NSG2: variants seen among roughly 807,000 people sequenced by gnomAD.
NSG2 encodes the protein neuronal vesicle trafficking associated 2.
A neutral mutation model predicts 16.9 loss-of-function variants in NSG2; 4 were observed. The ratio of observed to expected loss-of-function variants is 0.24; its 90% CI spans 0.12 to 0.54. The LOEUF is 0.54. Among genes scored for constraint, NSG2 ranks in the 20% least tolerant of loss-of-function variants. The pLI is 0.95. For missense variants in NSG2, 179 were observed against 221.1 expected (o/e 0.81, Z 1.21); for synonymous variants, 98 against 88.7 (o/e 1.11, Z -0.59).
rs115827093 is a variant in NSG2, at chr5:174,090,032, G to A, written c.214-14196G>A. On this transcript the variant is annotated intron_variant, in intron 3 of 4. Coordinates refer to ENST00000303177, the MANE Select transcript of NSG2 (RefSeq NM_015980.5). ...CAGGGTCCCCAGTAAAGCATAGCTC[G>A]TTACAAGTTTGACTCTGAAAAATAA... Among the ~76,000 whole-genome samples, 1,231 of 152,176 alleles carry A rather than the reference G, an allele frequency of 8.1e-3. 11 individuals carry two copies. The highest frequency in any genetic ancestry group is 0.025 in the African/African-American group (1,034 of 41,514).
chr5:174,106,583 C>CTTTTTTT (rs752375646), intron 4 of NSG2, among the ~76,000 whole-genome samples: 7 of 93,470 alleles, frequency 7.5e-5, no homozygotes, highest in African/African-American at 2.6e-4. Flanking sequence ...GGAATGAAGC[C>CTTTTTTT]TTTTTTTTTT....
intron 3 of NSG2, among the ~76,000 whole-genome samples, chr5:174,092,677 CT>C (rs1760737512): frequency 6.6e-6 from 1 of 152,218 alleles, no homozygotes; most frequent in African/African-American, 2.4e-5. Context: ...ACTCTCTTTC[CT>C]TTTGCATTAA....
chr5:174,106,468 A>G (rs1581246299), intron 4 of NSG2, among the ~76,000 whole-genome samples: 1 of 150,550 alleles, frequency 6.6e-6, no homozygotes, highest in East Asian at 2.0e-4. Flanking sequence ...TTCGTCCGGT[A>G]GTCCCCAGGT....
intron 2 of NSG2, among the ~76,000 whole-genome samples, chr5:174,059,738 G>A (rs150419633): frequency 6.6e-6 from 1 of 152,216 alleles, no homozygotes; most frequent in Non-Finnish European, 1.5e-5. Flanking sequence ...GGTTCCTCTT[G>A]GCTCTGCCCT....
chr5:174,095,728 A>G (rs1273090606), intron 3 of NSG2, among the ~76,000 whole-genome samples: 6 of 152,198 alleles, frequency 3.9e-5, no homozygotes, highest in Non-Finnish European at 8.8e-5. Context: ...TCCCACATGC[A>G]TTATCCCACG....
chr5:174,059,463 A>G (rs1205620708), intron 2 of NSG2, among the ~76,000 whole-genome samples: 1 of 152,152 alleles, frequency 6.6e-6, no homozygotes, highest in Non-Finnish European at 1.5e-5. Flanking sequence ...TAGGAAATCT[A>G]TTGATTTTGG....
chr5:174,100,872 G>T (rs1760887473), intron 3 of NSG2, among the ~76,000 whole-genome samples: 1 of 152,212 alleles, frequency 6.6e-6, no homozygotes, highest in Non-Finnish European at 1.5e-5. Flanking sequence ...AGCCCTGTCT[G>T]GGCACGTCCA....
At chr5:174,104,413 G>A (rs1410459464) in intron 4 of NSG2, 75 bp downstream of exon 4, 3 of 1,046,626 alleles carry the variant, frequency 2.9e-6, no homozygotes, top group African/African-American at 3.1e-5. Context: ...CTCTTCACTG[G>A]TGTCCAAATT....
chr5:174,051,967 C>A (rs1759896098), intron 2 of NSG2, among the ~76,000 whole-genome samples: 1 of 151,908 alleles, frequency 6.6e-6, no homozygotes, highest in Admixed American at 6.6e-5. Context: ...GGGTGGGTAC[C>A]AGTTTATGTG....
chr5:174,092,484 G>A (rs1241075560), intron 3 of NSG2, among the ~76,000 whole-genome samples: 1 of 152,238 alleles, frequency 6.6e-6, no homozygotes, highest in Non-Finnish European at 1.5e-5. Flanking sequence ...TTGAGGGGCT[G>A]TCAGTTGGTT....
chr5:174,076,044 G>C (rs1484169549), intron 3 of NSG2, among the ~76,000 whole-genome samples: 3 of 152,168 alleles, frequency 2.0e-5, no homozygotes, highest in Admixed American at 1.3e-4. Context: ...TTTGCAATCT[G>C]ACAGACCTGG....
intron 2 of NSG2, among the ~76,000 whole-genome samples, chr5:174,052,698 G>A (rs1262365537): frequency 3.9e-5 from 6 of 152,320 alleles, no homozygotes; most frequent in East Asian, 3.9e-4. Context: ...GCCCTGTGAC[G>A]TTGCTACCAT....
intron 3 of NSG2, among the ~76,000 whole-genome samples, chr5:174,079,261 CTCTT>C (rs1388332848): frequency 1.4e-5 from 2 of 148,122 alleles, no homozygotes; most frequent in African/African-American, 2.5e-5. Context: ...CTCTCTCTCT[CTCTT>C]TTTTTTTTTT....
chr5:174,085,867 A>G (rs762098564), intron 3 of NSG2, among the ~76,000 whole-genome samples: 2 of 152,232 alleles, frequency 1.3e-5, no homozygotes, highest in Non-Finnish European at 2.9e-5. Context: ...TCACCTTGCC[A>G]CAGTCAGATG....
At chr5:174,101,277 G>A (rs977248650) in intron 3 of NSG2, among the ~76,000 whole-genome samples, 6 of 152,140 alleles carry the variant, frequency 3.9e-5, no homozygotes, top group African/African-American at 7.2e-5. Context: ...TGAACTCTGG[G>A]CATTTATTTT....
rs1022733695 is a variant in NSG2, at chr5:174,108,316, C to G, written c.*811C>G. On this transcript the variant is annotated 3_prime_UTR_variant, in exon 5 of 5. Coordinates refer to ENST00000303177, the MANE Select transcript of NSG2 (RefSeq NM_015980.5). ...CTGGATACTGCCCATGTTGACGAGACAGCAGCAGGGGGAGAGGGAGGGAAG... is the reference window on the plus strand; with the variant it reads ...CTGGATACTGCCCATGTTGACGAGAGAGCAGCAGGGGGAGAGGGAGGGAAG... 1.3e-5 allele frequency: 2 copies of G among 155,724 alleles called. No individual in the cohort carries two copies. Among genetic ancestry groups the G allele is most frequent in the African/African-American group, 4.8e-5 (2 of 41,406 alleles). 9.6% of individuals were successfully genotyped at this position (155,724 alleles called of 1,614,324 possible).
intron 3 of NSG2, among the ~76,000 whole-genome samples, chr5:174,101,158 G>C (rs1015584089): frequency 6.6e-6 from 1 of 152,236 alleles, no homozygotes; most frequent in African/African-American, 2.4e-5. Context: ...TTCTCTTTGA[G>C]GGGAGGGGAT....
intron 3 of NSG2, among the ~76,000 whole-genome samples, chr5:174,081,907 A>G (rs530113253): frequency 2.9e-3 from 424 of 148,642 alleles, no homozygotes; most frequent in South Asian, 0.01. Context: ...AAAAAAAAAA[A>G]AGAGAGAGAA....
chr5:174,063,789 GT>G (rs1372671118), intron 2 of NSG2, among the ~76,000 whole-genome samples: 1 of 152,150 alleles, frequency 6.6e-6, no homozygotes, highest in Admixed American at 6.5e-5. Flanking sequence ...AACAATTAAA[GT>G]TTAATTAGAT....
Sources: allele counts gnomAD v4.1 joint callset (sites outside exome capture counted in the v4.1 genomes callset), GRCh38; gene constraint gnomAD v4.1.1; transcripts MANE v1.5; gene names NCBI Gene and HGNC (gene_info 2026-07-23, HGNC 2026-07-21).